Variants in TRHDE observed in about 807,000 individuals in gnomAD.
TRHDE encodes the protein thyrotropin-releasing hormone-degrading ectoenzyme.
Under a neutral mutation model 125.7 loss-of-function variants are expected in TRHDE, and 72 were observed. That is an observed-to-expected ratio of 0.57 (90% CI 0.47 to 0.70). TRHDE has a LOEUF of 0.70. Among genes scored for constraint, TRHDE ranks in the 30% least tolerant of loss-of-function variants. The pLI, the probability that TRHDE is intolerant of heterozygous loss-of-function variation, is 0.00. For synonymous variants in TRHDE, 509 were observed against 509.1 expected (o/e 1.00, Z 0.00); for missense variants, 1,110 against 1,327.1 (o/e 0.84, Z 2.54).
At chr12:72,191,298 A>G (rs1003892219) in intron 2 of TRHDE, among the ~76,000 whole-genome samples, 2 of 152,034 alleles carry the variant, frequency 1.3e-5, no homozygotes, top group African/African-American at 4.8e-5. Context: ...TCTTCTTTCT[A>G]TAGTTGTCTT....
At chr12:72,102,355 C>T (rs1480151410) in intron 1 of TRHDE, among the ~76,000 whole-genome samples, 1 of 152,108 alleles carries the variant, frequency 6.6e-6, no homozygotes. Flanking sequence ...AAAGACTCTC[C>T]ACACGTGGCA....
intron 2 of TRHDE, among the ~76,000 whole-genome samples, chr12:72,199,550 G>A (rs1056172300): frequency 4.6e-5 from 7 of 152,138 alleles, no homozygotes; most frequent in East Asian, 3.8e-4. Flanking sequence ...GATATAGATT[G>A]GAGCTAGAAT....
At chr12:72,381,515 C>T (rs892894187) in intron 3 of TRHDE, among the ~76,000 whole-genome samples, 19 of 150,890 alleles carry the variant, frequency 1.3e-4, no homozygotes, top group African/African-American at 4.6e-4. Flanking sequence ...CCTGCCTCAG[C>T]CTCCCAAGTA....
chr12:72,153,835 A>G lies in TRHDE; in HGVS notation n.279+48083A>G, dbSNP rs572403255. ...TTCCAACTATGTGGTCAATTTTGGAATAGGTGTGGTGTGCTGCTGAAAAGA... is the reference window on the plus strand; with the variant it reads ...TTCCAACTATGTGGTCAATTTTGGAGTAGGTGTGGTGTGCTGCTGAAAAGA... On this transcript the variant is annotated intron_variant and non_coding_transcript_variant, in intron 2 of 4. Transcript: ENST00000548156. Among the ~76,000 whole-genome samples the G allele has an allele frequency of 5.3e-5, 8 of 152,230 alleles. No homozygotes were observed. The East Asian group carries it at 1.5e-3, about 29-fold the overall frequency.
rs139916182 is a variant in TRHDE, at chr12:72,142,302, T to G, written n.279+36550T>G. ...CACTTGGATCTCTTCCATGGGTTCC[T>G]TTTTTTCTTTCCTATTCTAAAGTCT... On this transcript the variant is annotated intron_variant and non_coding_transcript_variant, in intron 2 of 4. Transcript: ENST00000548156. 5.3e-3 allele frequency among the ~76,000 whole-genome samples: 803 copies of G among 152,160 alleles called. 9 individuals are homozygous for G. Among genetic ancestry groups the G allele is most frequent in the African/African-American group, 0.019 (779 of 41,550 alleles).
intron 2 of TRHDE, among the ~76,000 whole-genome samples, chr12:72,300,459 G>A (rs988880475): frequency 1.3e-5 from 2 of 150,692 alleles, no homozygotes; most frequent in African/African-American, 2.4e-5. Flanking sequence ...TTATATATAT[G>A]TATTTTATAT....
intron 2 of TRHDE, among the ~76,000 whole-genome samples, chr12:72,159,581 A>G (rs1038853107): frequency 2.6e-5 from 4 of 152,210 alleles, no homozygotes; most frequent in African/African-American, 9.6e-5. Context: ...AGGGATTTTC[A>G]AATCAGATAT....
At position 72,098,297 on chromosome 12, in the gene TRHDE, C is replaced by T. The variant is rs147356485; in HGVS notation, n.175-7351C>T. Among the ~76,000 whole-genome samples, 405 of 152,192 alleles carry T rather than the reference C, an allele frequency of 2.7e-3. 2 individuals are homozygous for T. Among genetic ancestry groups the T allele is most frequent in the African/African-American group, 8.8e-3 (366 of 41,534 alleles). ...TATAAGGAATAATACAGAGAGAGCTCGTGTAGTTTTTACCCTGTTTCCCCC... is the reference window on the plus strand; with the variant it reads ...TATAAGGAATAATACAGAGAGAGCTTGTGTAGTTTTTACCCTGTTTCCCCC... On this transcript the variant is annotated intron_variant and non_coding_transcript_variant, in intron 1 of 4. Coordinates refer to the TRHDE transcript ENST00000548156.
intron 2 of TRHDE, among the ~76,000 whole-genome samples, chr12:72,112,675 A>G (rs1875345324): frequency 6.6e-6 from 1 of 152,198 alleles, no homozygotes; most frequent in South Asian, 2.1e-4. Context: ...TAACATCGTA[A>G]GAATTCAATG....
chr12:72,413,224 A>G (rs553197075), intron 3 of TRHDE, among the ~76,000 whole-genome samples: 2 of 152,022 alleles, frequency 1.3e-5, no homozygotes, highest in African/African-American at 2.4e-5. Context: ...TTTTAAAAAA[A>G]TTCTTTTCAG....
At chr12:72,164,546 AGGCTGGACAAGATG>A (rs1194128014) in intron 2 of TRHDE, among the ~76,000 whole-genome samples, 5 of 152,300 alleles carry the variant, frequency 3.3e-5, no homozygotes, top group Admixed American at 3.3e-4. Flanking sequence ...CTGTGGTGGC[AGGCTGGACAAGATG>A]TCCACCTTAC....
intron 15 of TRHDE, among the ~76,000 whole-genome samples, chr12:72,649,027 A>G (rs987665919): frequency 2.0e-5 from 3 of 152,006 alleles, no homozygotes; most frequent in African/African-American, 7.2e-5. Flanking sequence ...TGACACTTAA[A>G]AAAAAAACAA....
chr12:72,504,632 T>G (rs1878288834), intron 6 of TRHDE, among the ~76,000 whole-genome samples: 1 of 152,170 alleles, frequency 6.6e-6, no homozygotes, highest in South Asian at 2.1e-4. Flanking sequence ...ACAGGTCAGA[T>G]AGAACCAAGA....
intron 2 of TRHDE, among the ~76,000 whole-genome samples, chr12:72,246,343 G>A (rs1878576309): frequency 6.6e-6 from 1 of 152,158 alleles, no homozygotes; most frequent in Non-Finnish European, 1.5e-5. Context: ...GCATTATTCT[G>A]TGAGAAGTGA....
chr12:72,186,834 C>T (rs1415839995), intron 2 of TRHDE, among the ~76,000 whole-genome samples: 1 of 151,238 alleles, frequency 6.6e-6, no homozygotes, highest in East Asian at 1.9e-4. Context: ...CCTTTATTGG[C>T]GTGGGGGGTA....
intron 16 of TRHDE, 133 bp from the exon 17 acceptor site, chr12:72,652,883 G>T: frequency 3.7e-6 from 2 of 540,184 alleles, no homozygotes; most frequent in Non-Finnish European, 6.0e-6. Flanking sequence ...CTATTTATAA[G>T]TTTGCATTAT....
intron 6 of TRHDE, among the ~76,000 whole-genome samples, chr12:72,504,603 G>T (rs1878287517): frequency 6.6e-6 from 1 of 152,112 alleles, no homozygotes; most frequent in Non-Finnish European, 1.5e-5. Flanking sequence ...CTCCCAGACA[G>T]AAATTTGTAT....
rs146495727 is a variant in TRHDE, at chr12:72,196,483, T to C, written n.279+90731T>C. On this transcript the variant is annotated intron_variant and non_coding_transcript_variant, in intron 2 of 4. Transcript: ENST00000548156. ...CTTAGGTATTTTATTTTTACTTTTTTGTAGCTATTGTAGATGGGATTGTAT... is the reference window on the plus strand; with the variant it reads ...CTTAGGTATTTTATTTTTACTTTTTCGTAGCTATTGTAGATGGGATTGTAT... 5.1e-3 allele frequency among the ~76,000 whole-genome samples: 779 copies of C among 152,192 alleles called. 12 individuals are homozygous for C. The highest frequency in any genetic ancestry group is 0.018 in the African/African-American group (748 of 41,554).
chr12:72,527,317 A>AATTG (rs1174640480), intron 6 of TRHDE, among the ~76,000 whole-genome samples: 9 of 152,168 alleles, frequency 5.9e-5, no homozygotes, highest in Non-Finnish European at 1.0e-4. Flanking sequence ...AGTGCTATAA[A>AATTG]ATTGTGAAAA....
Sources: allele counts gnomAD v4.1 joint callset (sites outside exome capture counted in the v4.1 genomes callset), GRCh38; gene constraint gnomAD v4.1.1; transcripts MANE v1.5; gene names NCBI Gene and HGNC (gene_info 2026-07-23, HGNC 2026-07-21).